NXN: variants seen among roughly 807,000 people sequenced by gnomAD.
NXN encodes nucleoredoxin.
In NXN, 16 loss-of-function variants were observed where a neutral mutation model predicts 48.6. The ratio of observed to expected loss-of-function variants is 0.33; its 90% confidence interval spans 0.22 to 0.50. The LOEUF (loss-of-function observed/expected upper bound fraction) is 0.50, where lower values mean the gene tolerates loss of function less well. Ranked by LOEUF, NXN falls within the 20% of genes least tolerant of loss-of-function variation. The pLI, the probability that NXN is intolerant of heterozygous loss-of-function variation, is 0.98. For synonymous variants in NXN, 281 were observed against 269.6 expected, an observed-to-expected ratio of 1.04 and a Z score of -0.41; for missense variants, 492 against 605.5, an observed-to-expected ratio of 0.81 and a Z score of 1.97.
chr17:832,565 G>A (rs778392002), intron 1 of NXN, among the ~76,000 whole-genome samples: 1 of 152,058 alleles, frequency 6.6e-6, no homozygotes, highest in African/African-American at 2.4e-5. Flanking sequence ...CAGGAGAAAC[G>A]CCATCTCCCA....
chr17:949,912 C>T (rs1462192123), intron 1 of NXN, among the ~76,000 whole-genome samples: 1 of 151,720 alleles, frequency 6.6e-6, no homozygotes, highest in Non-Finnish European at 1.5e-5. Context: ...TGGTAACAGT[C>T]ATTTGGCCAG....
intron 7 of NXN, among the ~76,000 whole-genome samples, chr17:802,529 G>A (rs1911260570): frequency 6.6e-6 from 1 of 152,198 alleles, no homozygotes; most frequent in Non-Finnish European, 1.5e-5. Flanking sequence ...CACCTCTCAA[G>A]GCCGCCCCCG....
intron 1 of NXN, among the ~76,000 whole-genome samples, chr17:835,179 G>A (rs982924740): frequency 6.6e-6 from 1 of 151,550 alleles, no homozygotes; most frequent in Admixed American, 6.6e-5. Context: ...GTGGTGACGG[G>A]TGCCTGTACT....
At chr17:948,460 G>C (rs2069070403) in intron 1 of NXN, among the ~76,000 whole-genome samples, 3 of 152,132 alleles carry the variant, frequency 2.0e-5, no homozygotes, top group African/African-American at 7.2e-5. Flanking sequence ...ACGGGATCTG[G>C]GTACTGAGGG....
intron 1 of NXN, among the ~76,000 whole-genome samples, chr17:835,796 C>CCCCCA (rs1202857246): frequency 5.9e-4 from 4 of 6,752 alleles, no homozygotes; most frequent in Non-Finnish European, 8.7e-4. Context: ...GATTCGTCAG[C>CCCCCA]CTCATAGAGG....
chr17:925,493 A>G (rs1452762528), intron 1 of NXN, among the ~76,000 whole-genome samples: 1 of 152,150 alleles, frequency 6.6e-6, no homozygotes. Flanking sequence ...GGTTCAAGCG[A>G]TTCTCCTGCC....
chr17:908,638 C>G (rs2068603316), intron 1 of NXN, among the ~76,000 whole-genome samples: 1 of 152,106 alleles, frequency 6.6e-6, no homozygotes, highest in Non-Finnish European at 1.5e-5. Flanking sequence ...AAACATGTAC[C>G]AAAGGCCCCC....
At chr17:894,677 T>TCTCAAC (rs2068456987) in intron 1 of NXN, among the ~76,000 whole-genome samples, 8 of 151,878 alleles carry the variant, frequency 5.3e-5, no homozygotes, top group East Asian at 3.9e-4. Context: ...AGCATCTCAA[T>TCTCAAC]GCCCAGAACC....
At chr17:842,871 G>A (rs571310758) in intron 1 of NXN, among the ~76,000 whole-genome samples, 54 of 152,064 alleles carry the variant, frequency 3.6e-4, no homozygotes, top group African/African-American at 8.0e-4. Flanking sequence ...CCTGGGAGGC[G>A]GAGGTTGCGG....
rs1263592986 is a variant in NXN at position 842,958 on chromosome 17, A to AAGAAAGAG, written c.361-16888_361-16881dup. Reference sequence around the variant, plus strand: ...CCGTCTCAAAAAAAGAAAGGAAAGAAAGAAAGAGAGAAAGAGAGAAAGAGA... The same window carrying AAGAAAGAG: ...CCGTCTCAAAAAAAGAAAGGAAAGAAAGAAAGAGAGAAAGAGAGAAAGAGAGAAAGAGA... On this transcript the variant is annotated intron_variant, in intron 1 of 7. Coordinates refer to ENST00000336868, the MANE Select transcript of NXN (RefSeq NM_022463.5). 7.6e-3 allele frequency among the ~76,000 whole-genome samples: 1,035 copies of AAGAAAGAG among 136,358 alleles called. 17 individuals carry two copies. The highest frequency in any genetic ancestry group is 0.012 in the East Asian group (53 of 4,502). The allele number at this position is 136,358 out of a possible 152,430, so 89.5% of individuals were successfully genotyped here.
intron 5 of NXN, among the ~76,000 whole-genome samples, chr17:813,398 T>C (rs144328489): frequency 3.3e-4 from 51 of 152,364 alleles, no homozygotes; most frequent in African/African-American, 1.2e-3. Flanking sequence ...GCCCCCGGCT[T>C]GGAGGACAAG....
intron 1 of NXN, among the ~76,000 whole-genome samples, chr17:874,524 C>T (rs544529743): frequency 2.0e-5 from 3 of 152,322 alleles, no homozygotes; most frequent in South Asian, 2.1e-4. Context: ...GCAGAGGCTG[C>T]GGTGAGCCGA....
chr17:910,869 T>A (rs924342059), intron 1 of NXN: 3 of 152,106 alleles, frequency 2.0e-5, no homozygotes, highest in Non-Finnish European at 4.4e-5. Flanking sequence ...CACACAGGGA[T>A]GTAACAGGCG....
chr17:826,187 C>T (rs1321015852), intron 1 of NXN, 109 bp from the exon 2 acceptor site: 17 of 795,320 alleles, frequency 2.1e-5, no homozygotes, highest in Non-Finnish European at 2.3e-5. Flanking sequence ...AGCATTCAAG[C>T]ACACAGAAAA....
chr17:823,559 C>T (rs1449746878), intron 3 of NXN, 73 bp downstream of exon 3: 19 of 1,569,444 alleles, frequency 1.2e-5, no homozygotes, highest in Non-Finnish European at 1.6e-5. Flanking sequence ...CCCCCAGAAG[C>T]CAACCACAGC....
At chr17:951,538 T>C (rs868478428) in intron 1 of NXN, among the ~76,000 whole-genome samples, 3 of 121,230 alleles carry the variant, frequency 2.5e-5, no homozygotes, top group South Asian at 5.4e-4. Context: ...TCTCAATCAA[T>C]ACATTTTAAA....
At chr17:931,648 A>G (rs1442541375) in intron 1 of NXN, among the ~76,000 whole-genome samples, 1 of 147,040 alleles carries the variant, frequency 6.8e-6, no homozygotes, top group East Asian at 2.1e-4. Context: ...CATCCCGGCT[A>G]ACACAGTGAA....
intron 1 of NXN, among the ~76,000 whole-genome samples, chr17:892,071 C>T (rs1296361275): frequency 6.7e-5 from 10 of 149,798 alleles, no homozygotes; most frequent in African/African-American, 2.0e-4. Context: ...CCCCACCATG[C>T]ACAACCCAAC....
chr17:966,794 G>A (rs890068998), intron 1 of NXN, among the ~76,000 whole-genome samples: 1 of 137,932 alleles, frequency 7.2e-6, no homozygotes, highest in Non-Finnish European at 1.5e-5. Flanking sequence ...TTCAGGTGGG[G>A]GGATGACTGT....
Sources: gnomAD v4.1 joint callset for allele counts (sites outside exome capture counted in the v4.1 genomes callset) on GRCh38, gnomAD v4.1.1 for gene constraint, MANE v1.5 for transcripts, NCBI Gene and HGNC (gene_info 2026-07-23, HGNC 2026-07-21) for gene names.